SLC8A1: variants seen among roughly 807,000 people sequenced by gnomAD.
The protein encoded by SLC8A1 is sodium/calcium exchanger 1.
SLC8A1 carries 18 observed loss-of-function variants against 68.3 expected under a neutral mutation model. The ratio of observed to expected loss-of-function variants is 0.26; its 90% CI spans 0.18 to 0.39. The LOEUF is 0.39. Among genes scored for constraint, SLC8A1 ranks in the 10% least tolerant of loss-of-function variants. The pLI, the probability that SLC8A1 is intolerant of heterozygous loss-of-function variation, is 1.00. For synonymous variants in SLC8A1, 475 were observed against 415.5 expected, an observed-to-expected ratio of 1.14 and a Z score of -1.74; for missense variants, 985 against 1,156.7, an observed-to-expected ratio of 0.85 and a Z score of 2.15.
chr2:40,317,068 G>C lies in SLC8A1; in HGVS notation c.1808+111405C>G, dbSNP rs114000685. ...GTTAAACTAATAGCATTCAGTTTTAGTAGGATTAGTTGCATTAAAAATACA... is the reference window on the plus strand; with the variant it reads ...GTTAAACTAATAGCATTCAGTTTTACTAGGATTAGTTGCATTAAAAATACA... On this transcript the variant is annotated intron_variant, in intron 2 of 7. Transcript: ENST00000406785. Among the ~76,000 whole-genome samples the C allele has an allele frequency of 1.7e-3, 261 of 152,148 alleles. 1 individual carries two copies. Among genetic ancestry groups the C allele is most frequent in the African/African-American group, 6.1e-3 (252 of 41,536 alleles).
chr2:40,099,827 TC>T (rs2033793104), exon 8 of SLC8A1: 2 of 152,036 alleles, frequency 1.3e-5, no homozygotes, highest in African/African-American at 4.8e-5. Context: ...GCAAGAGAAG[TC>T]CTAGATTCAT....
At chr2:40,446,365 G>A (rs1328145681) in intron 1 of SLC8A1, 1 of 152,206 alleles carries the variant, frequency 6.6e-6, no homozygotes, top group Non-Finnish European at 1.5e-5. Flanking sequence ...CTGGGACACA[G>A]AACGGAATGA....
intron 4 of SLC8A1, 74 bp downstream of exon 7, chr2:40,170,207 C>T: frequency 1.5e-6 from 2 of 1,319,006 alleles, no homozygotes; most frequent in East Asian, 2.3e-5. Context: ...GGCTAAAATG[C>T]ATGACTGTAA....
chr2:40,477,524 C>T (rs187616853), intron 1 of SLC8A1, among the ~76,000 whole-genome samples: 21 of 152,260 alleles, frequency 1.4e-4, no homozygotes, highest in Admixed American at 4.6e-4. Context: ...AAGCACCACC[C>T]AAATGCCAAA....
At chr2:40,313,735 A>G (rs994190181) in intron 2 of SLC8A1, among the ~76,000 whole-genome samples, 1 of 152,042 alleles carries the variant, frequency 6.6e-6, no homozygotes, top group Admixed American at 6.6e-5. Flanking sequence ...TACTCTATTC[A>G]GTGTGCATTA....
chr2:40,254,776 T>C (rs2063611781), intron 2 of SLC8A1: 1 of 152,192 alleles, frequency 6.6e-6, no homozygotes. Context: ...TTCTGTTCAT[T>C]TTCACAAGAT....
At chr2:40,189,576 A>G (rs1308399354) in intron 2 of SLC8A1, among the ~76,000 whole-genome samples, 2 of 152,152 alleles carry the variant, frequency 1.3e-5, no homozygotes, top group Non-Finnish European at 2.9e-5. Flanking sequence ...AGCCTCCCAA[A>G]GTGCTGGGAT....
Position 40,123,458 on chromosome 2 carries a change from A to G in SLC8A1, c.2438-7829T>C, listed in dbSNP as rs536443051. On this transcript the variant is annotated intron_variant, in intron 7 of 7. Transcript: ENST00000406785. Reference sequence around the variant, plus strand: ...CTGATAAGGAAAATTACACTCTGCCACTCACATACACACACTCACTTCACT... The same window carrying G: ...CTGATAAGGAAAATTACACTCTGCCGCTCACATACACACACTCACTTCACT... Among the ~76,000 whole-genome samples the G allele has an allele frequency of 2.0e-5, 3 of 152,322 alleles. No homozygotes were observed. In the South Asian group the frequency reaches 6.2e-4, roughly 32 times the overall value.
At chr2:40,409,036 TA>T (rs751182349) in intron 2 of SLC8A1, among the ~76,000 whole-genome samples, 10 of 152,154 alleles carry the variant, frequency 6.6e-5, no homozygotes, top group South Asian at 2.1e-4. Flanking sequence ...TATATGTAAA[TA>T]TTGTTTTTGA....
Position 40,139,687 on chromosome 2 carries a change from T to C in SLC8A1, c.2162-11A>G, listed in dbSNP as rs2041188617. On this transcript the variant is annotated splice_polypyrimidine_tract_variant and intron_variant, in intron 6 of 7. Transcript: ENST00000406785. The stretch of plus-strand genomic sequence containing the variant: ...CGTCATCATCTTCCCCTAGAGAGAA[T>C]GGAAGGAAGCACATTTCATCACAAC... 1 of 1,610,096 alleles carries C rather than the reference T, an allele frequency of 6.2e-7. No homozygotes were observed. The highest frequency in any genetic ancestry group is 8.5e-7 in the Non-Finnish European group (1 of 1,177,370).
chr2:40,498,584 A>G (rs1469715049), intron 1 of SLC8A1, among the ~76,000 whole-genome samples: 1 of 152,118 alleles, frequency 6.6e-6, no homozygotes, highest in Non-Finnish European at 1.5e-5. Flanking sequence ...TTAAGGCCAA[A>G]TAGAGAAATA....
chr2:40,136,166 A>C (rs897397876), intron 7 of SLC8A1, among the ~76,000 whole-genome samples: 3 of 152,232 alleles, frequency 2.0e-5, no homozygotes, highest in Non-Finnish European at 2.9e-5. Flanking sequence ...CTCTTTCTCC[A>C]GAGAAGTAAG....
At chr2:40,405,197 G>A (rs1689952081) in intron 2 of SLC8A1, among the ~76,000 whole-genome samples, 2 of 152,178 alleles carry the variant, frequency 1.3e-5, no homozygotes, top group African/African-American at 4.8e-5. Context: ...TGGACAGAGT[G>A]CCAAATTTCA....
chr2:40,459,119 T>C (rs1372330191), intron 1 of SLC8A1, among the ~76,000 whole-genome samples: 1 of 152,076 alleles, frequency 6.6e-6, no homozygotes, highest in Non-Finnish European at 1.5e-5. Flanking sequence ...AAGTTTCTAC[T>C]CTCCTGGGAC....
At chr2:40,427,377 G>A (rs1197122908) in intron 2 of SLC8A1, among the ~76,000 whole-genome samples, 1 of 151,890 alleles carries the variant, frequency 6.6e-6, no homozygotes, top group Non-Finnish European at 1.5e-5. Flanking sequence ...AACTATTTTC[G>A]AACTGTATTT....
intron 2 of SLC8A1, among the ~76,000 whole-genome samples, chr2:40,259,477 T>C (rs1334420353): frequency 1.3e-5 from 2 of 152,158 alleles, no homozygotes; most frequent in Admixed American, 1.3e-4. Context: ...TTCTTCACAA[T>C]CTTTTTTCTT....
At chr2:40,432,864 T>C (rs1418251486) in intron 1 of SLC8A1, among the ~76,000 whole-genome samples, 1 of 152,124 alleles carries the variant, frequency 6.6e-6, no homozygotes. Flanking sequence ...TTTTGCCTAC[T>C]ATATAAAATC....
intron 6 of SLC8A1, among the ~76,000 whole-genome samples, chr2:40,143,369 C>T (rs546384478): frequency 9.9e-5 from 15 of 152,216 alleles, no homozygotes; most frequent in African/African-American, 3.4e-4. Flanking sequence ...GATGCCTGTT[C>T]TGTGGTTCTG....
intron 2 of SLC8A1, among the ~76,000 whole-genome samples, chr2:40,233,180 T>G (rs925166219): frequency 6.6e-6 from 1 of 152,178 alleles, no homozygotes; most frequent in African/African-American, 2.4e-5. Context: ...CCACACTGAC[T>G]TCCACAATGG....
Sources: gnomAD v4.1 joint callset for allele counts (sites outside exome capture counted in the v4.1 genomes callset) on GRCh38, gnomAD v4.1.1 for gene constraint, MANE v1.5 for transcripts, NCBI Gene and HGNC (gene_info 2026-07-23, HGNC 2026-07-21) for gene names.